Variants in SLC4A4 observed in about 807,000 individuals in gnomAD.
SLC4A4 encodes the protein solute carrier family 4 member 4.
A neutral mutation model predicts 111.5 loss-of-function variants in SLC4A4; 27 were observed. That is an observed-to-expected ratio of 0.24 (90% confidence interval 0.18 to 0.33). The LOEUF (loss-of-function observed/expected upper bound fraction) is 0.33, where lower values mean the gene tolerates loss of function less well. SLC4A4 is among the 10% of genes least tolerant of loss of function. The probability of loss-of-function intolerance (pLI) is 1.00; values close to 1 mark genes in which losing one functional copy is unlikely to be tolerated. For synonymous variants in SLC4A4, 443 were observed against 463.4 expected, an observed-to-expected ratio of 0.96 and a Z score of 0.57; for missense variants, 909 against 1,315.5, an observed-to-expected ratio of 0.69 and a Z score of 4.78.
chr4:71,346,794 A>G (rs540905600), intron 4 of SLC4A4, among the ~76,000 whole-genome samples: 14 of 152,286 alleles, frequency 9.2e-5, no homozygotes, highest in Admixed American at 7.9e-4. Flanking sequence ...TTTATGTCCA[A>G]ATGCATTTGT....
In SLC4A4 at chr4:71,440,696, T is replaced by G; in HGVS notation, c.888T>G (p.Asp296Glu). ...TTGTTGGGGAGGTTGACTTTTTGGA[T>G]ACTCCTTTCATTGCCTTTGTTAGGC... The part of the protein sequence containing the change: ...NVLVGEVDFL[D>E]TPFIAFVRLQ... The change falls in exon 8 of 26, where the codon GAT (aspartate) becomes GAG (glutamate). Residue 296 changes from aspartate to glutamate, a missense_variant. This residue lies in a region of SLC4A4 where 312 missense variants were observed against 402.0 expected (regional missense o/e 0.78). Transcript: ENST00000264485. 1 of 1,614,148 alleles carries G rather than the reference T, an allele frequency of 6.2e-7. No homozygotes were observed. The highest frequency in any genetic ancestry group is 8.5e-7 in the Non-Finnish European group (1 of 1,179,986).
intron 1 of SLC4A4, among the ~76,000 whole-genome samples, chr4:71,188,442 G>A (rs1745590942): frequency 6.6e-6 from 1 of 152,068 alleles, no homozygotes. Flanking sequence ...TCTTTTCCTG[G>A]TTCGCTTCAG....
At chr4:71,269,120 G>A (rs1262724942) in intron 3 of SLC4A4, among the ~76,000 whole-genome samples, 1 of 152,222 alleles carries the variant, frequency 6.6e-6, no homozygotes, top group African/African-American at 2.4e-5. Context: ...ATATGGTGAA[G>A]CTGACATAGT....
chr4:71,546,567 C>T (rs770496946), intron 19 of SLC4A4, 39 bp downstream of exon 19: 15 of 1,544,346 alleles, frequency 9.7e-6, no homozygotes, highest in East Asian at 2.3e-5. Flanking sequence ...CGAAAACACA[C>T]TGTGCACACA....
At chr4:71,231,040 T>C (rs766765634) in intron 1 of SLC4A4, among the ~76,000 whole-genome samples, 6 of 152,134 alleles carry the variant, frequency 3.9e-5, no homozygotes, top group Non-Finnish European at 7.3e-5. Flanking sequence ...TGAAAGCAGA[T>C]GCTGTTACTA....
At chr4:71,527,792 G>A (rs1312777959) in intron 16 of SLC4A4, among the ~76,000 whole-genome samples, 1 of 151,994 alleles carries the variant, frequency 6.6e-6, no homozygotes, top group African/African-American at 2.4e-5. Context: ...CAGGTAGTTA[G>A]ATAGATAATT....
At chr4:71,411,608 A>C (rs1721369427) in intron 7 of SLC4A4, among the ~76,000 whole-genome samples, 1 of 152,186 alleles carries the variant, frequency 6.6e-6, no homozygotes. Flanking sequence ...TTGCAAGCTC[A>C]GCAAGGTTAC....
chr4:71,092,303 A>T (rs902223542), intron 1 of SLC4A4, among the ~76,000 whole-genome samples: 2 of 152,100 alleles, frequency 1.3e-5, no homozygotes, highest in African/African-American at 4.8e-5. Context: ...ATTTCAATAG[A>T]TTTCTCTCTT....
intron 7 of SLC4A4, among the ~76,000 whole-genome samples, chr4:71,432,461 G>C (rs2149043386): frequency 6.6e-6 from 1 of 152,200 alleles, no homozygotes; most frequent in Admixed American, 6.5e-5. Flanking sequence ...TTGGCAACTT[G>C]ATGTTTTTTT....
chr4:71,328,108 A>C (rs1578845187), intron 3 of SLC4A4, among the ~76,000 whole-genome samples: 1 of 152,188 alleles, frequency 6.6e-6, no homozygotes. Context: ...TATTTCACTT[A>C]ACAAAATGTC....
In SLC4A4 at chr4:71,460,828, A is replaced by G. The variant is rs190785483; in HGVS notation, c.1498-5616A>G. The stretch of plus-strand genomic sequence containing the variant: ...TACTGAATCCCTAGGCATTGTCTTC[A>G]TTGGTTCTGATTTAATTGTTTAGGG... On this transcript the variant is annotated intron_variant, in intron 12 of 25. Coordinates refer to ENST00000264485, the MANE Select transcript of SLC4A4 (RefSeq NM_001098484.3). 2.0e-5 allele frequency among the ~76,000 whole-genome samples: 3 copies of G among 152,202 alleles called. No homozygotes were observed. The East Asian group carries it at 5.8e-4, about 29-fold the overall frequency.
In SLC4A4 at chr4:71,497,578, C is replaced by T. The variant is rs1350322778; in HGVS notation, c.2052C>T (p.Asn684=). The T allele has an allele frequency of 6.2e-7, 1 of 1,613,578 alleles. No individual in the cohort carries two copies. The highest frequency in any genetic ancestry group is 1.7e-5 in the Admixed American group (1 of 59,892). Residue 684 remains asparagine (N), a synonymous_variant, in exon 16 of 26, where the codon AAC becomes AAT. Coordinates refer to ENST00000264485, the MANE Select transcript of SLC4A4 (RefSeq NM_001098484.3). ...CSKYGGNLVG[N]NCNFVPDITL... is the part of the protein sequence containing the mutation. ...AATACGGAGGAAACCTCGTCGGGAA[C>T]AACTGTAATTTTGTTCCTGATATCA...
intron 2 of SLC4A4, among the ~76,000 whole-genome samples, chr4:71,242,852 C>G (rs917330093): frequency 6.6e-6 from 1 of 152,092 alleles, no homozygotes; most frequent in Non-Finnish European, 1.5e-5. Flanking sequence ...CTCCCTACAT[C>G]TAGCCTTTGC....
chr4:71,279,178 C>A (rs183287977), intron 3 of SLC4A4, among the ~76,000 whole-genome samples: 31 of 152,284 alleles, frequency 2.0e-4, no homozygotes, highest in African/African-American at 7.2e-4. Context: ...ATCTCCAGAA[C>A]TTACTCATCC....
At chr4:71,476,899 G>A (rs1029230121) in intron 14 of SLC4A4, among the ~76,000 whole-genome samples, 1 of 151,714 alleles carries the variant, frequency 6.6e-6, no homozygotes, top group Non-Finnish European at 1.5e-5. Context: ...AAATGGGATA[G>A]CTATTAATTA....
intron 2 of SLC4A4, among the ~76,000 whole-genome samples, chr4:71,177,585 C>T (rs1578554366): frequency 6.6e-6 from 1 of 152,074 alleles, no homozygotes; most frequent in Admixed American, 6.6e-5. Context: ...ACAAAGAAGG[C>T]CATTACATAA....
chr4:71,392,690 A>G (rs1480683499), intron 6 of SLC4A4, among the ~76,000 whole-genome samples: 1 of 152,148 alleles, frequency 6.6e-6, no homozygotes, highest in African/African-American at 2.4e-5. Context: ...CTAATACCCA[A>G]ACCAGGAAAG....
At chr4:71,396,641 T>G (rs536041725) in intron 6 of SLC4A4, among the ~76,000 whole-genome samples, 1 of 152,342 alleles carries the variant, frequency 6.6e-6, no homozygotes, top group Admixed American at 6.5e-5. Flanking sequence ...GTTAGGTTTT[T>G]TTTTGCTTAG....
intron 2 of SLC4A4, among the ~76,000 whole-genome samples, chr4:71,092,863 G>A (rs13108455): frequency 0.092 from 13,949 of 152,190 alleles, 795 homozygotes; most frequent in African/African-American, 0.16. Flanking sequence ...TTGGGAGGCC[G>A]AGGCTGGCAG....
Sources: gnomAD v4.1 joint callset for allele counts (sites outside exome capture counted in the v4.1 genomes callset) on GRCh38, gnomAD v4.1.1 for gene constraint, gnomAD v4.1.1 regional missense constraint, MANE v1.5 for transcripts, NCBI Gene and HGNC (gene_info 2026-07-23, HGNC 2026-07-21) for gene names.